The following RASA2 variants were observed in gnomAD, a reference collection of about 807,000 sequenced individuals.
RASA2 encodes RAS p21 protein activator 2.
In RASA2, 155 loss-of-function variants were observed where a neutral mutation model predicts 118.2. The ratio of observed to expected loss-of-function variants is 1.31; its 90% CI spans 1.15 to 1.50. The LOEUF (loss-of-function observed/expected upper bound fraction) is 1.50, where lower values mean the gene tolerates loss of function less well. Ranked by LOEUF, RASA2 falls within the 40% of genes most tolerant of loss-of-function variation. The pLI is 0.00. For missense variants in RASA2, 1,016 were observed against 1,009.6 expected, an observed-to-expected ratio of 1.01 and a Z score of -0.09; for synonymous variants, 353 against 349.1, an observed-to-expected ratio of 1.01 and a Z score of -0.12.
chr3:141,497,048 A>T (rs1159804147), intron 1 of RASA2, among the ~76,000 whole-genome samples: 1 of 151,938 alleles, frequency 6.6e-6, no homozygotes, highest in Non-Finnish European at 1.5e-5. Flanking sequence ...CATCATTCTC[A>T]GCAAACTATC....
At chr3:141,586,618 T>C (rs778713163) in intron 18 of RASA2, 28 bp from the exon 19 acceptor site, 1 of 1,479,248 alleles carries the variant, frequency 6.8e-7, no homozygotes, top group South Asian at 1.2e-5. Context: ...TTTTTATAGC[T>C]AAATGTTTAC....
intron 19 of RASA2, among the ~76,000 whole-genome samples, chr3:141,594,609 G>C (rs1035300943): frequency 6.6e-6 from 1 of 152,136 alleles, no homozygotes; most frequent in African/African-American, 2.4e-5. Flanking sequence ...ACTAAAACTG[G>C]AGGACAGTGG....
chr3:141,606,424 T>A (rs1027245164), intron 19 of RASA2, among the ~76,000 whole-genome samples: 3 of 152,230 alleles, frequency 2.0e-5, no homozygotes, highest in Non-Finnish European at 4.4e-5. Flanking sequence ...TTCTATCACA[T>A]CACCTCAGTT....
intron 1 of RASA2, among the ~76,000 whole-genome samples, chr3:141,500,390 T>C (rs1346382779): frequency 6.6e-6 from 1 of 152,196 alleles, no homozygotes; most frequent in Non-Finnish European, 1.5e-5. Context: ...TTTTCTTGTG[T>C]AAGATTTATT....
intron 19 of RASA2, chr3:141,600,376 G>C (rs1331590625): frequency 2.0e-6 from 1 of 495,872 alleles, no homozygotes. Flanking sequence ...TGTCGGAGGT[G>C]TCAGTCTTCT....
At chr3:141,554,799 A>C (rs759237054) in intron 6 of RASA2, among the ~76,000 whole-genome samples, 1 of 152,232 alleles carries the variant, frequency 6.6e-6, no homozygotes, top group African/African-American at 2.4e-5. Flanking sequence ...ATAGTATGCT[A>C]TTAGCAGATA....
chr3:141,571,157 G>T, intron 10 of RASA2, 89 bp downstream of exon 10: 1 of 1,379,336 alleles, frequency 7.2e-7, no homozygotes, highest in Non-Finnish European at 9.7e-7. Flanking sequence ...AGAGTATCAA[G>T]TCTTATTAAA....
At chr3:141,596,542 G>C (rs889658508) in intron 19 of RASA2, among the ~76,000 whole-genome samples, 2 of 152,052 alleles carry the variant, frequency 1.3e-5, no homozygotes, top group Admixed American at 6.6e-5. Flanking sequence ...AAAATGAAAA[G>C]GTAAGCAACA....
chr3:141,590,522 G>A (rs535499092), intron 19 of RASA2, among the ~76,000 whole-genome samples: 1 of 152,290 alleles, frequency 6.6e-6, no homozygotes, highest in African/African-American at 2.4e-5. Flanking sequence ...GAATGAAAAC[G>A]TCAGGACTTT....
intron 14 of RASA2, among the ~76,000 whole-genome samples, chr3:141,576,117 AGTTAT>A (rs2083007961): frequency 6.6e-6 from 1 of 152,140 alleles, no homozygotes; most frequent in African/African-American, 2.4e-5. Flanking sequence ...GTATCTCTTT[AGTTAT>A]GTTTTTGTTG....
At chr3:141,529,675 G>GCT in intron 3 of RASA2, 33 bp from the exon 4 acceptor site, 1 of 1,480,502 alleles carries the variant, frequency 6.8e-7, no homozygotes, top group Non-Finnish European at 9.4e-7. Context: ...TACGAAGCAT[G>GCT]TTTTCTTATA....
At chr3:141,587,302 A>G (rs996004742) in intron 19 of RASA2, among the ~76,000 whole-genome samples, 1 of 152,246 alleles carries the variant, frequency 6.6e-6, no homozygotes, top group Non-Finnish European at 1.5e-5. Flanking sequence ...ATTTGTGTAA[A>G]TGAAGCCATC....
At chr3:141,527,797 G>T (rs1248617143) in intron 3 of RASA2, among the ~76,000 whole-genome samples, 1 of 151,940 alleles carries the variant, frequency 6.6e-6, no homozygotes, top group African/African-American at 2.4e-5. Context: ...GAGTATTCCA[G>T]TTAGTACCTG....
At chr3:141,496,481 A>C (rs2081704360) in intron 1 of RASA2, among the ~76,000 whole-genome samples, 1 of 152,244 alleles carries the variant, frequency 6.6e-6, no homozygotes, top group Admixed American at 6.5e-5. Context: ...AGAAAAAAAC[A>C]ACCCCATGAA....
chr3:141,532,742 T>A (rs2082276106), intron 4 of RASA2, among the ~76,000 whole-genome samples: 1 of 152,114 alleles, frequency 6.6e-6, no homozygotes. Flanking sequence ...ATGAAAACTA[T>A]ATACTGTATC....
At chr3:141,591,045 G>C (rs1481060618) in intron 19 of RASA2, among the ~76,000 whole-genome samples, 2 of 152,068 alleles carry the variant, frequency 1.3e-5, no homozygotes, top group Non-Finnish European at 2.9e-5. Context: ...TTACAATTAT[G>C]ATTTTATATT....
At chr3:141,490,311 C>T (rs372337276) in intron 1 of RASA2, among the ~76,000 whole-genome samples, 1 of 133,232 alleles carries the variant, frequency 7.5e-6, no homozygotes, top group Non-Finnish European at 1.5e-5. Flanking sequence ...ACCTGAAACA[C>T]ATTTGCATGC....
At chr3:141,493,811 A>G (rs1262905750) in intron 1 of RASA2, among the ~76,000 whole-genome samples, 2 of 152,212 alleles carry the variant, frequency 1.3e-5, no homozygotes, top group African/African-American at 4.8e-5. Context: ...AAGCATTACC[A>G]ATTTGTTATA....
intron 1 of RASA2, among the ~76,000 whole-genome samples, chr3:141,494,756 A>G (rs141232321): frequency 1.2e-3 from 178 of 152,180 alleles, no homozygotes; most frequent in African/African-American, 4.1e-3. Flanking sequence ...TTGATGTGCT[A>G]TGTGAACTGG....
Sources: gnomAD v4.1 joint callset for allele counts (sites outside exome capture counted in the v4.1 genomes callset) on GRCh38, gnomAD v4.1.1 for gene constraint, MANE v1.5 for transcripts, NCBI Gene and HGNC (gene_info 2026-07-23, HGNC 2026-07-21) for gene names.